Variants in ITGA11 observed in about 807,000 individuals in gnomAD.
ITGA11 encodes the protein integrin subunit alpha 11.
Under a neutral mutation model 141.9 loss-of-function variants are expected in ITGA11, and 97 were observed. The observed-to-expected ratio is 0.68, with a 90% CI of 0.58 to 0.81. The LOEUF is 0.81. Ranked by LOEUF, ITGA11 falls within the 30% of genes least tolerant of loss-of-function variation. The probability of loss-of-function intolerance (pLI) is 0.00; values close to 1 mark genes in which losing one functional copy is unlikely to be tolerated. For missense variants in ITGA11, 1,387 were observed against 1,559.2 expected (o/e 0.89, Z 1.86); for synonymous variants, 658 against 624.6 (o/e 1.05, Z -0.80).
At chr15:68,400,638 A>AATATTATATATTATATAATAAAT (rs1566938414) in intron 2 of ITGA11, among the ~76,000 whole-genome samples, 5 of 69,510 alleles carry the variant, frequency 7.2e-5, no homozygotes, top group East Asian at 3.4e-4. Context: ...TAAATATTAT[A>AATATTATATATTATATAATAAAT]ATATTATATA....
At chr15:68,369,323 G>C in intron 2 of ITGA11, 39 bp from the exon 3 acceptor site, 1 of 1,292,584 alleles carries the variant, frequency 7.7e-7, no homozygotes, top group Non-Finnish European at 1.1e-6. Context: ...CATTGGGGGA[G>C]GTACTCTTTC....
At chr15:68,362,191 A>C (rs1402269866) in intron 4 of ITGA11, among the ~76,000 whole-genome samples, 1 of 152,234 alleles carries the variant, frequency 6.6e-6, no homozygotes, top group Admixed American at 6.5e-5. Context: ...GAAGATAAGA[A>C]TGTCTGTATT....
intron 1 of ITGA11, among the ~76,000 whole-genome samples, 192 bp from the exon 2 acceptor site, chr15:68,403,221 G>C (rs1438134483): frequency 6.6e-6 from 1 of 152,184 alleles, no homozygotes; most frequent in Non-Finnish European, 1.5e-5. Flanking sequence ...AGGGCCCACA[G>C]TCTGATGGGA....
intron 1 of ITGA11, among the ~76,000 whole-genome samples, chr15:68,430,687 A>G (rs559536240): frequency 4.6e-5 from 7 of 152,280 alleles, no homozygotes; most frequent in African/African-American, 1.7e-4. Flanking sequence ...CTCCTCCCGC[A>G]GCTGGCTTCT....
intron 2 of ITGA11, among the ~76,000 whole-genome samples, chr15:68,377,770 T>A (rs1308982058): frequency 2.0e-5 from 3 of 152,252 alleles, no homozygotes; most frequent in Admixed American, 1.3e-4. Context: ...TTAATATCTA[T>A]CAATGCCCCC....
In ITGA11 at chr15:68,302,808, G is replaced by A. The variant is rs982017592; in HGVS notation, c.*251C>T. On this transcript the variant is annotated 3_prime_UTR_variant, in exon 30 of 30. Transcript: ENST00000315757. ...GGCCTTGGCATGGGCCTGGGTGTGT[G>A]TAGGGGTGTCCCTTTAAATCCCTAG... 2.2e-5 allele frequency: 11 copies of A among 494,192 alleles called. No individual in the cohort carries two copies. In the East Asian group the frequency reaches 4.0e-4, roughly 18 times the overall value. 30.6% of individuals were successfully genotyped at this position (494,192 alleles called of 1,614,324 possible). A position where few individuals can be genotyped will look rare whatever the true frequency, so the allele number is the denominator to read the frequency against.
chr15:68,319,812 G>A (rs1441859004), intron 20 of ITGA11, among the ~76,000 whole-genome samples: 2 of 152,144 alleles, frequency 1.3e-5, no homozygotes. Context: ...CTCAGCCCTG[G>A]CTGCACACTG....
chr15:68,321,161 GTTTC>G lies in ITGA11; in HGVS notation c.2408+253_2408+256del, dbSNP rs1377763203. Among the ~76,000 whole-genome samples the G allele has an allele frequency of 2.8e-3, 138 of 49,882 alleles. No homozygotes were observed. The highest frequency in any genetic ancestry group is 0.015 in the Middle Eastern group (1 of 68). The allele number at this position is 49,882 out of a possible 152,430, so 32.7% of individuals were successfully genotyped here. On this transcript the variant is annotated intron_variant, in intron 19 of 29. Coordinates refer to ENST00000315757, the MANE Select transcript of ITGA11 (RefSeq NM_001004439.2). This position sits in a 1 kb window ranked among gnomAD's most constrained non-coding sequence, Gnocchi z 4.9. ...TTGTAATGTGGGCTCCGAAGAAAGGGTTTCTTTTTTTTTTTTTTTTTAACAAAAT... is the reference window on the plus strand; with the variant it reads ...TTGTAATGTGGGCTCCGAAGAAAGGGTTTTTTTTTTTTTTTTTAACAAAAT...
Position 68,428,562 on chromosome 15 carries a change from C to T in ITGA11, c.52+3453G>A, listed in dbSNP as rs561880330. Among the ~76,000 whole-genome samples the T allele has an allele frequency of 3.9e-4, 60 of 152,268 alleles. 1 individual carries two copies. The South Asian group carries it at 0.012, about 31-fold the overall frequency. On this transcript the variant is annotated intron_variant, in intron 1 of 29. Transcript: ENST00000315757. Reference sequence around the variant, plus strand: ...GATATGGAAAGATCCAGAAGCTCCTCAGCTAATGGCAGCTGAGGGGCTTGG... The same window carrying T: ...GATATGGAAAGATCCAGAAGCTCCTTAGCTAATGGCAGCTGAGGGGCTTGG...
At chr15:68,381,053 G>T (rs1895850481) in intron 2 of ITGA11, among the ~76,000 whole-genome samples, 1 of 152,152 alleles carries the variant, frequency 6.6e-6, no homozygotes, top group African/African-American at 2.4e-5. Flanking sequence ...GCCACTCTCA[G>T]TGTAAGCCTG....
chr15:68,379,866 C>T (rs1399525781), intron 2 of ITGA11, among the ~76,000 whole-genome samples: 1 of 152,204 alleles, frequency 6.6e-6, no homozygotes. Flanking sequence ...GCTTTAATTT[C>T]TGGTATGTGT....
chr15:68,323,175 G>A (rs990316756), intron 18 of ITGA11, among the ~76,000 whole-genome samples: 5 of 152,200 alleles, frequency 3.3e-5, no homozygotes, highest in Admixed American at 2.6e-4. Flanking sequence ...CCCACCGCAA[G>A]GTGGACCTGC....
rs1894230875 is a variant in ITGA11 at position 68,333,133 on chromosome 15, T to C, written c.1426-655A>G. On this transcript the variant is annotated intron_variant, in intron 12 of 29. Transcript: ENST00000315757. The surrounding 1 kb of genome is among the most constrained non-coding windows in gnomAD (Gnocchi z 4.2). ...TTTTTTTTTTGAGGCAAGGTTTTGC[T>C]CCATCACCCAGACTGGAGTGCAATG... Among the ~76,000 whole-genome samples, 1 of 151,138 alleles carries C rather than the reference T, an allele frequency of 6.6e-6. No individual in the cohort carries two copies. The highest frequency in any genetic ancestry group is 2.1e-4 in the South Asian group (1 of 4,784).
intron 2 of ITGA11, 105 bp from the exon 3 acceptor site, chr15:68,369,389 T>TGGGGGGGG: frequency 2.6e-5 from 1 of 38,336 alleles, no homozygotes; most frequent in Admixed American, 3.3e-4. Context: ...GTGGGGAGGG[T>TGGGGGGGG]GGGAGGGAAC....
At chr15:68,357,054 A>T in intron 7 of ITGA11, 97 bp downstream of exon 7, 1 of 1,102,128 alleles carries the variant, frequency 9.1e-7, no homozygotes, top group Non-Finnish European at 1.3e-6. Flanking sequence ...TATTGTCTCA[A>T]GGTACTAAAT....
At chr15:68,314,395 C>CG (rs906831980) in intron 22 of ITGA11, among the ~76,000 whole-genome samples, 21 of 152,220 alleles carry the variant, frequency 1.4e-4, no homozygotes, top group African/African-American at 4.1e-4. Flanking sequence ...AGACATCTTC[C>CG]GGGGGGGTTC....
At position 68,361,983 on chromosome 15, in the gene ITGA11, T is replaced by C. The variant is rs1595877838; in HGVS notation, c.358-279A>G. The C allele has an allele frequency of 1.5e-5, 5 of 340,774 alleles. No individual in the cohort carries two copies. The East Asian group carries it at 3.4e-4, about 23-fold the overall frequency. The allele number at this position is 340,774 out of a possible 1,614,324, so 21.1% of individuals were successfully genotyped here. A position where few individuals can be genotyped will look rare whatever the true frequency, so the allele number is the denominator to read the frequency against. ...TCCATCTCATCATTTAGGAATATGATACTTCTTCACCCTACCTGCCCACCC... is the reference window on the plus strand; with the variant it reads ...TCCATCTCATCATTTAGGAATATGACACTTCTTCACCCTACCTGCCCACCC... On this transcript the variant is annotated intron_variant, in intron 4 of 29. Coordinates refer to ENST00000315757, the MANE Select transcript of ITGA11 (RefSeq NM_001004439.2).
intron 7 of ITGA11, among the ~76,000 whole-genome samples, chr15:68,353,983 C>T (rs1002360513): frequency 2.0e-5 from 3 of 152,024 alleles, no homozygotes; most frequent in African/African-American, 7.3e-5. Context: ...CTGTTCCCTC[C>T]CAGCCATCTG....
rs147722665 is a variant in ITGA11 at position 68,388,883 on chromosome 15, C to G, written c.164+14035G>C. Among the ~76,000 whole-genome samples the G allele has an allele frequency of 8.1e-3, 1,232 of 152,318 alleles. 21 individuals are homozygous for G. Among genetic ancestry groups the G allele is most frequent in the African/African-American group, 0.028 (1,174 of 41,570 alleles). ...CCCTATTGCCTCCCAAGTACAGTCT[C>G]TTCACTCTGCTATTTAGGAACTCCA... On this transcript the variant is annotated intron_variant, in intron 2 of 29. Coordinates refer to ENST00000315757, the MANE Select transcript of ITGA11 (RefSeq NM_001004439.2).
Sources: allele counts gnomAD v4.1 joint callset (sites outside exome capture counted in the v4.1 genomes callset), GRCh38; gene constraint gnomAD v4.1.1; non-coding constraint Gnocchi (gnomAD v3.1); transcripts MANE v1.5; gene names NCBI Gene and HGNC (gene_info 2026-07-23, HGNC 2026-07-21).